RHOBTB1: variants seen among roughly 807,000 people sequenced by gnomAD.
RHOBTB1 encodes the protein rho-related BTB domain-containing protein 1.
In RHOBTB1, 40 loss-of-function variants were observed where a neutral mutation model predicts 71.6. That is an observed-to-expected ratio of 0.56 (90% CI 0.43 to 0.73). The LOEUF is 0.73. Among genes scored for constraint, RHOBTB1 ranks in the 30% least tolerant of loss-of-function variants. The pLI, the probability that RHOBTB1 is intolerant of heterozygous loss-of-function variation, is 0.00. For synonymous variants in RHOBTB1, 319 were observed against 334.9 expected, an observed-to-expected ratio of 0.95 and a Z score of 0.52; for missense variants, 797 against 894.0, an observed-to-expected ratio of 0.89 and a Z score of 1.38.
intron 2 of RHOBTB1, among the ~76,000 whole-genome samples, chr10:60,972,035 A>C (rs1485875032): frequency 6.6e-6 from 1 of 152,206 alleles, no homozygotes; most frequent in Non-Finnish European, 1.5e-5. Context: ...AAAGCCAGGA[A>C]ACAACAGATG....
chr10:60,880,922 A>G (rs1346736020), intron 7 of RHOBTB1, among the ~76,000 whole-genome samples: 4 of 152,222 alleles, frequency 2.6e-5, no homozygotes, highest in Non-Finnish European at 5.9e-5. Context: ...AACATGTAAC[A>G]TTTCATTTCT....
At chr10:60,922,105 G>A (rs994455685) in intron 2 of RHOBTB1, among the ~76,000 whole-genome samples, 27 of 152,052 alleles carry the variant, frequency 1.8e-4, no homozygotes, top group African/African-American at 6.5e-4. Flanking sequence ...TATATATAAG[G>A]GTCTCATAAA....
In RHOBTB1 at chr10:60,888,410, T is replaced by C. The variant is rs140431485; in HGVS notation, c.1258A>G (p.Thr420Ala). 40 of 1,614,028 alleles carry C rather than the reference T, an allele frequency of 2.5e-5. No homozygotes were observed. The highest frequency in any genetic ancestry group is 3.4e-5 in the Non-Finnish European group (40 of 1,180,030). ...PFRTLLQFLYTGQLDEKEKDL... is the reference protein window; with the variant it reads ...PFRTLLQFLYAGQLDEKEKDL... The stretch of plus-strand genomic sequence containing the variant: ...TTTTCCTTTTCATCCAGTTGTCCCG[T>C]ATAAAGAAACTGGAGCAGGGTCCGA... The change falls in exon 6 of 11, where the codon ACG becomes GCG. Residue 420 changes from threonine to alanine, a missense_variant. Physicochemically the swap from Thr to Ala is moderately conservative, Grantham distance 58. Around this residue, in one of 2 missense-constraint regions of RHOBTB1, gnomAD observed 658 missense variants for 681.5 expected, o/e 0.97. Transcript: ENST00000337910.
chr10:60,997,938 G>A (rs1036861557), intron 1 of RHOBTB1, among the ~76,000 whole-genome samples: 6 of 152,136 alleles, frequency 3.9e-5, no homozygotes, highest in African/African-American at 1.4e-4. Flanking sequence ...AAGTCAGAAG[G>A]CTTAGGTTCT....
At chr10:60,960,952 T>C (rs1001831328) in intron 2 of RHOBTB1, among the ~76,000 whole-genome samples, 8 of 152,122 alleles carry the variant, frequency 5.3e-5, no homozygotes, top group Non-Finnish European at 7.4e-5. Context: ...TATCTTTTCA[T>C]TGACTTGGGG....
intron 1 of RHOBTB1, among the ~76,000 whole-genome samples, chr10:60,996,197 C>T (rs530902672): frequency 8.5e-5 from 13 of 152,232 alleles, no homozygotes; most frequent in African/African-American, 3.1e-4. Context: ...TCATGTTCTC[C>T]CCACTTACAT....
upstream of RHOBTB1, among the ~76,000 whole-genome samples, chr10:60,945,368 C>T (rs2085180758): frequency 6.6e-6 from 1 of 152,188 alleles, no homozygotes; most frequent in Admixed American, 6.5e-5. Flanking sequence ...TTCTTGGCCT[C>T]ACCGGTTCTC....
intron 2 of RHOBTB1, among the ~76,000 whole-genome samples, chr10:60,970,907 C>G (rs1897358): frequency 0.54 from 81,852 of 151,770 alleles, 22,348 homozygotes; most frequent in East Asian, 0.77. Context: ...GAGAGTCAAA[C>G]TCAGTATCAG....
In RHOBTB1 at chr10:60,882,092, C is replaced by T. The variant is rs139688091; in HGVS notation, c.1575+4020G>A. ...TCAACATTTATAATTAACTGCATGA[C>T]AACAGAAAGACCTTTATTTATAGCA... On this transcript the variant is annotated intron_variant, in intron 7 of 10. Coordinates refer to ENST00000337910, the MANE Select transcript of RHOBTB1 (RefSeq NM_014836.5). Among the ~76,000 whole-genome samples, 228 of 151,604 alleles carry T rather than the reference C, an allele frequency of 1.5e-3. 4 individuals are homozygous for T. The highest frequency in any genetic ancestry group is 5.2e-3 in the African/African-American group (214 of 41,298).
At chr10:61,001,060 G>C (rs1189344292) in intron 1 of RHOBTB1, among the ~76,000 whole-genome samples, 1 of 151,778 alleles carries the variant, frequency 6.6e-6, no homozygotes, top group African/African-American at 2.4e-5. Flanking sequence ...GTGTGTGTGT[G>C]AGTGCGCGCG....
At chr10:60,946,194 A>G (rs967042356), upstream of RHOBTB1, among the ~76,000 whole-genome samples, 2 of 151,960 alleles carry the variant, frequency 1.3e-5, no homozygotes, top group African/African-American at 4.8e-5. Context: ...AAAAAAAACA[A>G]AAAACTGACT....
intron 7 of RHOBTB1, among the ~76,000 whole-genome samples, chr10:60,882,018 A>AT (rs1174407906): frequency 1.3e-5 from 2 of 152,086 alleles, no homozygotes; most frequent in African/African-American, 2.4e-5. Context: ...TGGAACATGC[A>AT]TTTTTTCCCC....
intron 4 of RHOBTB1, among the ~76,000 whole-genome samples, chr10:60,905,473 A>AAAAT (rs1554837713): frequency 6.6e-5 from 10 of 150,674 alleles, no homozygotes; most frequent in African/African-American, 2.0e-4. Context: ...AAAAAAAAAA[A>AAAAT]AATTCAAATT....
intron 2 of RHOBTB1, among the ~76,000 whole-genome samples, chr10:60,934,818 G>A (rs943432009): frequency 2.0e-5 from 3 of 152,198 alleles, no homozygotes; most frequent in African/African-American, 4.8e-5. Flanking sequence ...GCTGGTGAAC[G>A]TGTATTGTAA....
intron 2 of RHOBTB1, among the ~76,000 whole-genome samples, chr10:60,936,286 T>G (rs891392272): frequency 1.3e-5 from 2 of 152,210 alleles, no homozygotes; most frequent in Non-Finnish European, 2.9e-5. Flanking sequence ...AGAAGAGTTC[T>G]GCAAAAAACA....
chr10:60,959,028 C>T (rs911223038), intron 2 of RHOBTB1, among the ~76,000 whole-genome samples: 43 of 152,216 alleles, frequency 2.8e-4, no homozygotes, highest in African/African-American at 9.6e-4. Flanking sequence ...AACAATAGTA[C>T]ATCAGGACTA....
intron 2 of RHOBTB1, among the ~76,000 whole-genome samples, chr10:60,918,522 G>C (rs186753833): frequency 6.6e-6 from 1 of 152,148 alleles, no homozygotes; most frequent in Admixed American, 6.6e-5. Flanking sequence ...TCAGACAGGC[G>C]CACTTCAGTG....
chr10:60,918,803 T>C lies in RHOBTB1; in HGVS notation c.-10-7251A>G, dbSNP rs1020493479. Among the ~76,000 whole-genome samples the C allele has an allele frequency of 2.0e-5, 3 of 151,628 alleles. No individual in the cohort carries two copies. In the South Asian group the frequency reaches 6.3e-4, roughly 32 times the overall value. The stretch of plus-strand genomic sequence containing the variant: ...CTCTTGTTGCCAGGCTGGAGTGCAA[T>C]AGCGCAATCTTGGCTCACCACAAAC... On this transcript the variant is annotated intron_variant, in intron 2 of 10. Coordinates refer to ENST00000337910, the MANE Select transcript of RHOBTB1 (RefSeq NM_014836.5).
intron 7 of RHOBTB1, among the ~76,000 whole-genome samples, chr10:60,883,221 T>C (rs2081407627): frequency 6.6e-6 from 1 of 152,182 alleles, no homozygotes; most frequent in South Asian, 2.1e-4. Flanking sequence ...TCTGAATGTA[T>C]ACAAACCTAT....
Sources: gnomAD v4.1 joint callset for allele counts (sites outside exome capture counted in the v4.1 genomes callset) on GRCh38, gnomAD v4.1.1 for gene constraint, gnomAD v4.1.1 regional missense constraint, MANE v1.5 for transcripts, NCBI Gene and HGNC (gene_info 2026-07-23, HGNC 2026-07-21) for gene names.